Variants in SPIRE2 observed in about 807,000 individuals in gnomAD.
The protein encoded by SPIRE2 is spire type actin nucleation factor 2.
SPIRE2 carries 76 observed loss-of-function variants against 80.7 expected under a neutral mutation model. That is an observed-to-expected ratio of 0.94 (90% confidence interval 0.78 to 1.14). The LOEUF (loss-of-function observed/expected upper bound fraction) is 1.14. SPIRE2 is among the 50% of genes most tolerant of loss of function. The probability of loss-of-function intolerance (pLI) is 0.00; values close to 1 mark genes in which losing one functional copy is unlikely to be tolerated. For synonymous variants in SPIRE2, 535 were observed against 432.6 expected, an observed-to-expected ratio of 1.24 and a Z score of -2.94; for missense variants, 1,196 against 1,015.3, an observed-to-expected ratio of 1.18 and a Z score of -2.42.
At chr16:89,846,667 C>G (rs941824955) in intron 2 of SPIRE2, 1 of 150,084 alleles carries the variant, frequency 6.7e-6, no homozygotes, top group East Asian at 2.0e-4. Context: ...CGCCCGCCAC[C>G]ATGCCCGGCT....
At chr16:89,869,291 G>A (rs569828120) in intron 13 of SPIRE2, among the ~76,000 whole-genome samples, 2 of 151,724 alleles carry the variant, frequency 1.3e-5, no homozygotes, top group South Asian at 2.1e-4. Context: ...CTGTCCAGAT[G>A]AGCAGGAAAC....
chr16:89,832,717 C>T (rs2041398177), intron 1 of SPIRE2, among the ~76,000 whole-genome samples: 1 of 152,196 alleles, frequency 6.6e-6, no homozygotes, highest in African/African-American at 2.4e-5. Flanking sequence ...GTGCCCCTTA[C>T]AGGTGGGCAC....
Position 89,863,972 on chromosome 16 carries a change from G to A in SPIRE2, c.1778+111G>A, listed in dbSNP as rs572931425. On this transcript the variant is annotated intron_variant, in intron 12 of 14. Coordinates refer to ENST00000378247, the MANE Select transcript of SPIRE2 (RefSeq NM_032451.2). The surrounding 1 kb of genome is among the most constrained non-coding windows in gnomAD (Gnocchi z 4.3). ...ATTCCAGGAATGTTCTAGCATGTTC[G>A]ATGGCTGATGAGTCCACAAGATATG... 2.2e-5 allele frequency: 16 copies of A among 732,944 alleles called. No homozygotes were observed. Among genetic ancestry groups the A allele is most frequent in the East Asian group, 1.5e-4 (6 of 39,796 alleles). 45.4% of individuals were successfully genotyped at this position (732,944 alleles called of 1,614,324 possible).
At chr16:89,855,186 C>T (rs888229925) in intron 5 of SPIRE2, among the ~76,000 whole-genome samples, 4 of 152,196 alleles carry the variant, frequency 2.6e-5, no homozygotes, top group African/African-American at 9.7e-5. Context: ...GATCTGCCCA[C>T]CTCGGCCTCC....
rs546625681 is a variant in SPIRE2 at position 89,858,398 on chromosome 16, G to A, written c.1163G>A (p.Cys388Tyr). Residue 388 changes from cysteine (C) to tyrosine (Y), a missense_variant, in exon 8 of 15, where the codon TGC becomes TAC. By Grantham distance (194) the Cys-to-Tyr change is radical. Transcript: ENST00000378247. The stretch of plus-strand genomic sequence containing the variant: ...TCCGGAGATGCCAAGTCCACCTCCT[G>A]CATCAACCTGTCAGTCACAGATGCT... ...ACSGDAKSTS[C>Y]INLSVTDAGG... 1 of 1,612,124 alleles carries A rather than the reference G, an allele frequency of 6.2e-7. No individual in the cohort carries two copies. The highest frequency in any genetic ancestry group is 1.1e-5 in the South Asian group (1 of 90,736).
intron 1 of SPIRE2, among the ~76,000 whole-genome samples, chr16:89,830,753 A>C (rs1374385051): frequency 6.6e-6 from 1 of 151,044 alleles, no homozygotes; most frequent in Non-Finnish European, 1.5e-5. Flanking sequence ...CTTTGAAAAA[A>C]ACCAACAACA....
chr16:89,852,075 C>A (rs1405636338), intron 3 of SPIRE2, among the ~76,000 whole-genome samples: 23 of 113,862 alleles, frequency 2.0e-4, no homozygotes, highest in African/African-American at 4.5e-4. Flanking sequence ...GCCAGATCCC[C>A]TGGCCCATCT....
chr16:89,828,701 C>A lies in SPIRE2; in HGVS notation c.151C>A (p.Leu51Met). Residue 51 changes from leucine (L) to methionine (M), a missense_variant, in exon 1 of 15, where the codon CTG becomes ATG. Physicochemically the swap from Leu to Met is conservative, Grantham distance 15 (BLOSUM62 2). Coordinates refer to ENST00000378247, the MANE Select transcript of SPIRE2 (RefSeq NM_032451.2). The surrounding 1 kb of genome is among the most constrained non-coding windows in gnomAD (Gnocchi z 5.9). ...WAVCFQGCRG[L>M]RGSPGRRLRD... is the part of the protein sequence containing the mutation. ...CGTGTGCTTCCAGGGCTGCCGCGGG[C>A]TGCGGGGCTCGCCGGGCCGGCGCCT... 2.3e-6 allele frequency: 3 copies of A among 1,285,566 alleles called. No individual in the cohort carries two copies. Among genetic ancestry groups the A allele is most frequent in the Admixed American group, 3.2e-5 (1 of 31,690 alleles). 79.6% of individuals were successfully genotyped at this position (1,285,566 alleles called of 1,614,324 possible). A position where few individuals can be genotyped will look rare whatever the true frequency, so the allele number is the denominator to read the frequency against.
Position 89,834,788 on chromosome 16 carries a change from C to A in SPIRE2, c.244+5994C>A, listed in dbSNP as rs571590076. On this transcript the variant is annotated intron_variant, in intron 1 of 14. Coordinates refer to ENST00000378247, the MANE Select transcript of SPIRE2 (RefSeq NM_032451.2). ...TCGTAGAAGTGTGGATAAGCATAGC[C>A]CATGTGAATCTGTGAACCTGCCCGC... Among the ~76,000 whole-genome samples, 207 of 119,686 alleles carry A rather than the reference C, an allele frequency of 1.7e-3. 1 individual carries two copies. Among genetic ancestry groups the A allele is most frequent in the African/African-American group, 6.3e-3 (196 of 31,038 alleles). 78.5% of individuals were successfully genotyped at this position (119,686 alleles called of 152,430 possible). A position where few individuals can be genotyped will look rare whatever the true frequency, so the allele number is the denominator to read the frequency against.
Position 89,854,725 on chromosome 16 carries a change from C to G in SPIRE2, c.891+74C>G, listed in dbSNP as rs2041672985. The G allele has an allele frequency of 2.6e-6, 4 of 1,539,828 alleles. No homozygotes were observed. In the East Asian group the frequency reaches 6.8e-5, roughly 26 times the overall value. ...GAGCGGGGCGGACGCAGATGAGCAG[C>G]CTGGATGTTGGGCAGCCCACCCCAG... On this transcript the variant is annotated intron_variant, in intron 5 of 14. Coordinates refer to ENST00000378247, the MANE Select transcript of SPIRE2 (RefSeq NM_032451.2).
At chr16:89,853,164 C>T (rs1446116037) in intron 3 of SPIRE2, among the ~76,000 whole-genome samples, 1 of 152,182 alleles carries the variant, frequency 6.6e-6, no homozygotes, top group Non-Finnish European at 1.5e-5. Flanking sequence ...GTTTCTTACC[C>T]AGTGAAAGCT....
In SPIRE2 at chr16:89,870,346, A is replaced by C; in HGVS notation, c.*74A>C. On this transcript the variant is annotated 3_prime_UTR_variant, in exon 15 of 15. Transcript: ENST00000378247. ...CAGGCTAGGACGCTCTGAGCTGTGC[A>C]TGTACATATATACATATATAGATAC... 1.2e-6 allele frequency: 1 copy of C among 801,594 alleles called. No individual in the cohort carries two copies. Among genetic ancestry groups the C allele is most frequent in the Non-Finnish European group, 2.1e-6 (1 of 485,426 alleles). The allele number at this position is 801,594 out of a possible 1,614,324, so 49.7% of individuals were successfully genotyped here.
At chr16:89,848,282 C>T (rs1349914505) in intron 2 of SPIRE2, among the ~76,000 whole-genome samples, 4 of 152,236 alleles carry the variant, frequency 2.6e-5, no homozygotes, top group Non-Finnish European at 5.9e-5. Context: ...GGCTGTTAGG[C>T]CTTGGCTGCT....
At chr16:89,840,843 T>C (rs1369542013) in intron 1 of SPIRE2, among the ~76,000 whole-genome samples, 1 of 151,520 alleles carries the variant, frequency 6.6e-6, no homozygotes, top group East Asian at 2.0e-4. Context: ...TTCACCGTGT[T>C]AGCCAGGATG....
At chr16:89,854,915 G>A in intron 5 of SPIRE2, among the ~76,000 whole-genome samples, 1 of 151,224 alleles carries the variant, frequency 6.6e-6, no homozygotes, top group Non-Finnish European at 1.5e-5. Flanking sequence ...GGCCCCTGGA[G>A]GCCACAAGAG....
chr16:89,870,497 C>A lies in SPIRE2; in HGVS notation c.*225C>A. ...GGCTGTTTCTTCTCAGGATTCCTTG[C>A]CAGGGAGGAAGGGGAGGGAACAGGG... On this transcript the variant is annotated 3_prime_UTR_variant, in exon 15 of 15. Transcript: ENST00000378247. The A allele has an allele frequency of 2.0e-6, 1 of 494,238 alleles. No homozygotes were observed. Among genetic ancestry groups the A allele is most frequent in the South Asian group, 2.7e-5 (1 of 37,478 alleles). The allele number at this position is 494,238 out of a possible 1,614,324, so 30.6% of individuals were successfully genotyped here.
intron 13 of SPIRE2, among the ~76,000 whole-genome samples, chr16:89,868,948 T>C (rs2041812258): frequency 1.4e-5 from 2 of 147,402 alleles, no homozygotes; most frequent in African/African-American, 5.0e-5. Context: ...GGAGGATCTC[T>C]TGAGCCCAGC....
At position 89,857,969 on chromosome 16, in the gene SPIRE2, A is replaced by G. The variant is rs377223359; in HGVS notation, c.1103-369A>G. Among the ~76,000 whole-genome samples, 68 of 138,072 alleles carry G rather than the reference A, an allele frequency of 4.9e-4. No individual in the cohort carries two copies. In the South Asian group the frequency reaches 5.4e-3, roughly 11 times the overall value. 90.6% of individuals were successfully genotyped at this position (138,072 alleles called of 152,430 possible). A position where few individuals can be genotyped will look rare whatever the true frequency, so the allele number is the denominator to read the frequency against. The stretch of plus-strand genomic sequence containing the variant: ...GTGATCTCGGCTCACTGCAAGCTCT[A>G]CCTCCTGGGTTCACGCCATTCTCCT... On this transcript the variant is annotated intron_variant, in intron 7 of 14. Transcript: ENST00000378247.
At chr16:89,851,788 C>T (rs2041630346) in intron 3 of SPIRE2, among the ~76,000 whole-genome samples, 1 of 152,100 alleles carries the variant, frequency 6.6e-6, no homozygotes, top group African/African-American at 2.4e-5. Flanking sequence ...GCAGGGGATT[C>T]CCTCTTGCCT....
Sources: gnomAD v4.1 joint callset for allele counts (sites outside exome capture counted in the v4.1 genomes callset) on GRCh38, gnomAD v4.1.1 for gene constraint, Gnocchi (gnomAD v3.1) non-coding constraint, MANE v1.5 for transcripts, NCBI Gene and HGNC (gene_info 2026-07-23, HGNC 2026-07-21) for gene names.